DSP: variants seen among roughly 807,000 people sequenced by gnomAD.
DSP encodes 250/210 kDa paraneoplastic pemphigus antigen.
A neutral mutation model predicts 290.6 loss-of-function variants in DSP; 114 were observed. That is an observed-to-expected ratio of 0.39 (90% CI 0.34 to 0.46). DSP has a LOEUF of 0.46. DSP is among the 20% of genes least tolerant of loss of function. The probability of loss-of-function intolerance (pLI) is 0.99; values close to 1 mark genes in which losing one functional copy is unlikely to be tolerated. For synonymous variants in DSP, 1,311 were observed against 1,316.4 expected, an observed-to-expected ratio of 1.00 and a Z score of 0.09; for missense variants, 3,230 against 3,495.8, an observed-to-expected ratio of 0.92 and a Z score of 1.92.
At chr6:7,567,670 TA>T (rs1758903757) in intron 9 of DSP, 110 bp from the exon 10 acceptor site, 1 of 1,546,158 alleles carries the variant, frequency 6.5e-7, no homozygotes, top group African/African-American at 1.4e-5. Context: ...TTTTTTCCTT[TA>T]GCCACCTGTC....
intron 17 of DSP, 123 bp downstream of exon 17, chr6:7,574,918 C>A: frequency 7.7e-7 from 1 of 1,300,294 alleles, no homozygotes. Context: ...AGTGGCCACA[C>A]AGGTTGACAT....
At chr6:7,548,582 A>C (rs1384693635) in intron 1 of DSP, among the ~76,000 whole-genome samples, 1 of 152,226 alleles carries the variant, frequency 6.6e-6, no homozygotes, top group African/African-American at 2.4e-5. Context: ...CCACAAACAC[A>C]ATCTGCCAAA....
At position 7,572,217 on chromosome 6, in the gene DSP, G is replaced by A; in HGVS notation, c.2130+149G>A. The A allele has an allele frequency of 3.8e-6, 3 of 781,362 alleles. 1 individual carries two copies. The highest frequency in any genetic ancestry group is 5.3e-5 in the East Asian group (2 of 37,438). 48.4% of individuals were successfully genotyped at this position (781,362 alleles called of 1,614,324 possible). A position where few individuals can be genotyped will look rare whatever the true frequency, so the allele number is the denominator to read the frequency against. On this transcript the variant is annotated intron_variant, in intron 15 of 23. Transcript: ENST00000379802. ...CTGGCAGGATTTCCTTATGTATTAT[G>A]TTTCCAAATTTGTAGACGGTTATCA... is the stretch of plus-strand genomic sequence containing the variant.
chr6:7,582,202 CATAATATATATTTATCT>C lies in DSP; in HGVS notation c.5380-426_5380-410del, dbSNP rs1275659515. On this transcript the variant is annotated intron_variant, in intron 23 of 23. Transcript: ENST00000379802. The surrounding 1 kb of genome is among the most constrained non-coding windows in gnomAD (Gnocchi z 4.2). Reference sequence around the variant, plus strand: ...TATTATATATATAATTATATAATTACATAATATATATTTATCTATAATATATATTTTATATAATATAT... The same window carrying C: ...TATTATATATATAATTATATAATTACATAATATATATTTTATATAATATAT... 6.9e-6 allele frequency among the ~76,000 whole-genome samples: 1 copy of C among 144,152 alleles called. No individual in the cohort carries two copies. Among genetic ancestry groups the C allele is most frequent in the East Asian group, 2.0e-4 (1 of 5,080 alleles). The allele number at this position is 144,152 out of a possible 152,430, so 94.6% of individuals were successfully genotyped here.
Position 7,571,459 on chromosome 6 carries a change from A to G in DSP, c.1778A>G (p.Asn593Ser), listed in dbSNP as rs34239595. 1,311 of 1,614,238 alleles carry G rather than the reference A, an allele frequency of 8.1e-4. No homozygotes were observed. The highest frequency in any genetic ancestry group is 1.0e-3 in the Non-Finnish European group (1,238 of 1,180,054). ...TTACATTACCAAGAGTTCATCAGAA[A>G]TAGCCAAGGCTCAGAGATGTTTGGA... ...LELHYQEFIR[N>S]SQGSEMFGDD... is the part of the protein sequence containing the mutation. Residue 593 changes from asparagine to serine, a missense_variant, in exon 14 of 24, where the codon AAT becomes AGT. Transcript: ENST00000379802.
In DSP at chr6:7,580,542, TGAGAC is replaced by T. The variant is rs886039009; in HGVS notation, c.4353_4357del (p.Arg1452SerfsTer13). 1 of 1,614,078 alleles carries T rather than the reference TGAGAC, an allele frequency of 6.2e-7. No homozygotes were observed. The highest frequency in any genetic ancestry group is 8.5e-7 in the Non-Finnish European group (1 of 1,180,024). On this transcript the variant is annotated frameshift_variant, in exon 23 of 24. Coordinates refer to ENST00000379802, the MANE Select transcript of DSP (RefSeq NM_004415.4). LOFTEE classifies it high-confidence loss of function. The surrounding 1 kb of genome is among the most constrained non-coding windows in gnomAD (Gnocchi z 4.2). ...AGGAAACAGCAGCTGGAGGTTGAGCTGAGACAAGTCACTCAGATGCGAACAGAGGA... is the reference window on the plus strand; with the variant it reads ...AGGAAACAGCAGCTGGAGGTTGAGCTAAGTCACTCAGATGCGAACAGAGGA...
intron 17 of DSP, 125 bp from the exon 18 acceptor site, chr6:7,575,170 A>T: frequency 1.1e-6 from 1 of 922,844 alleles, no homozygotes; most frequent in Non-Finnish European, 1.7e-6. Context: ...ATTGACTGTT[A>T]ACACTTTAAA....
chr6:7,552,373 T>C (rs1353984951), intron 1 of DSP, among the ~76,000 whole-genome samples: 1 of 149,980 alleles, frequency 6.7e-6, no homozygotes, highest in Non-Finnish European at 1.5e-5. Context: ...CTGACCAACA[T>C]GGTGAAACCC....
At chr6:7,561,308 C>T (rs1031075367) in intron 4 of DSP, among the ~76,000 whole-genome samples, 2 of 152,178 alleles carry the variant, frequency 1.3e-5, no homozygotes, top group African/African-American at 4.8e-5. Flanking sequence ...CCGGGTTAGG[C>T]ACGCAGCCCT....
chr6:7,554,125 ACC>A (rs1554105404), intron 1 of DSP, among the ~76,000 whole-genome samples: 18 of 144,516 alleles, frequency 1.2e-4, no homozygotes, highest in African/African-American at 4.3e-4. Flanking sequence ...ACACACACAC[ACC>A]CAGTTGGTTA....
intron 2 of DSP, among the ~76,000 whole-genome samples, chr6:7,557,681 AAAAAAT>A (rs890189933): frequency 1.2e-4 from 18 of 152,204 alleles, no homozygotes; most frequent in African/African-American, 3.4e-4. Flanking sequence ...CTCTGTCTCA[AAAAAAT>A]AAAAATAAAA....
At chr6:7,569,458 T>A in intron 12 of DSP, 118 bp downstream of exon 12, 1 of 1,492,322 alleles carries the variant, frequency 6.7e-7, no homozygotes. Context: ...ATAAACACCT[T>A]CTAAAAAAAG....
rs777545428 is a variant in DSP, at chr6:7,569,324, G to A, written c.1558G>A (p.Val520Met). Residue 520 changes from valine to methionine, a missense_variant, in exon 12 of 24, where the codon GTG (valine) becomes ATG (methionine). Transcript: ENST00000379802. ...LIIPPPNPLA[V>M]DLSCKIEQYY... is the part of the protein sequence containing the mutation. The stretch of plus-strand genomic sequence containing the variant: ...CATCCCTCCTCCGAACCCACTGGCC[G>A]TGGACCTCTCTTGCAAGTAAGTCAT... 5.0e-6 allele frequency: 8 copies of A among 1,613,996 alleles called. No homozygotes were observed. The highest frequency in any genetic ancestry group is 2.2e-5 in the South Asian group (2 of 91,078).
At chr6:7,570,866 A>T (rs1352884454) in intron 13 of DSP, among the ~76,000 whole-genome samples, 1 of 152,226 alleles carries the variant, frequency 6.6e-6, no homozygotes, top group Non-Finnish European at 1.5e-5. Context: ...CTTTGATGTA[A>T]TGGAAAGTTA....
Position 7,580,911 on chromosome 6 carries a change from A to G in DSP, c.4721A>G (p.Glu1574Gly), listed in dbSNP as rs1248494042. ...CTGCAGCTGCAGAAGCAGAAGGTGG[A>G]AGAGGAGCTGAATCGGCTGAAGAGG... ...KELQLQKQKVEEELNRLKRTA... is the reference protein window; with the variant it reads ...KELQLQKQKVGEELNRLKRTA... The change falls in exon 23 of 24, where the codon GAA becomes GGA. Residue 1574 changes from glutamate (E) to glycine (G), a missense_variant. Physicochemically the swap from Glu to Gly is moderately conservative, Grantham distance 98 (BLOSUM62 -2). Transcript: ENST00000379802. This position sits in a 1 kb window ranked among gnomAD's most constrained non-coding sequence, Gnocchi z 4.2. 6.2e-7 allele frequency: 1 copy of G among 1,614,190 alleles called. No individual in the cohort carries two copies. The highest frequency in any genetic ancestry group is 8.5e-7 in the Non-Finnish European group (1 of 1,180,028).
At position 7,585,976 on chromosome 6, in the gene DSP, T is replaced by A. The variant is rs1759661117; in HGVS notation, c.*98T>A. ...GAAAATCCCGGTGCTTGCAGTAGAG[T>A]GATAGGACATTCTATGCTTACAGAA... is the stretch of plus-strand genomic sequence containing the variant. On this transcript the variant is annotated 3_prime_UTR_variant, in exon 24 of 24. Coordinates refer to ENST00000379802, the MANE Select transcript of DSP (RefSeq NM_004415.4). 1 of 1,209,880 alleles carries A rather than the reference T, an allele frequency of 8.3e-7. No individual in the cohort carries two copies. Among genetic ancestry groups the A allele is most frequent in the African/African-American group, 1.5e-5 (1 of 66,604 alleles). 74.9% of individuals were successfully genotyped at this position (1,209,880 alleles called of 1,614,324 possible).
In DSP at chr6:7,559,157, G is replaced by A; in HGVS notation, c.423-69G>A. Reference sequence around the variant, plus strand: ...TTGACACAAAAGACTCAGAAAAGGGGAAATTTGCCCAGAACGGGTTTTCAT... The same window carrying A: ...TTGACACAAAAGACTCAGAAAAGGGAAAATTTGCCCAGAACGGGTTTTCAT... On this transcript the variant is annotated intron_variant, in intron 3 of 23. Coordinates refer to ENST00000379802, the MANE Select transcript of DSP (RefSeq NM_004415.4). 3.2e-6 allele frequency: 5 copies of A among 1,571,662 alleles called. No individual in the cohort carries two copies. In the Admixed American group the frequency reaches 5.0e-5, roughly 16 times the overall value.
Position 7,584,186 on chromosome 6 carries a change from G to A in DSP, c.6924G>A (p.Leu2308=). 3 of 1,614,178 alleles carry A rather than the reference G, an allele frequency of 1.9e-6. No individual in the cohort carries two copies. Among genetic ancestry groups the A allele is most frequent in the Non-Finnish European group, 2.5e-6 (3 of 1,180,046 alleles). The part of the protein sequence containing the change: ...TGFIVDPVSN[L]RLPVEEAYKR... ...TTATAGTGGATCCTGTTAGCAACTT[G>A]AGGTTACCAGTGGAGGAAGCCTACA... Residue 2308 remains leucine, a synonymous_variant, in exon 24 of 24, where the codon TTG becomes TTA. Transcript: ENST00000379802. The surrounding 1 kb of genome is among the most constrained non-coding windows in gnomAD (Gnocchi z 6.4).
chr6:7,553,346 A>G (rs1758397936), intron 1 of DSP, among the ~76,000 whole-genome samples: 1 of 152,240 alleles, frequency 6.6e-6, no homozygotes, highest in South Asian at 2.1e-4. Flanking sequence ...CATTGTGCTA[A>G]GAGACAACTC....
Sources: allele counts gnomAD v4.1 joint callset (sites outside exome capture counted in the v4.1 genomes callset), GRCh38; gene constraint gnomAD v4.1.1; non-coding constraint Gnocchi (gnomAD v3.1); transcripts MANE v1.5; gene names NCBI Gene and HGNC (gene_info 2026-07-23, HGNC 2026-07-21).